C1orf87: variants seen among roughly 807,000 people sequenced by gnomAD.
C1orf87 encodes the protein uncharacterized protein C1orf87.
C1orf87 carries 58 observed loss-of-function variants against 60.5 expected under a neutral mutation model. That is an observed-to-expected ratio of 0.96 (90% CI 0.78 to 1.19). The LOEUF is 1.19. Ranked by LOEUF, C1orf87 falls within the 50% of genes most tolerant of loss-of-function variation. The pLI, the probability that C1orf87 is intolerant of heterozygous loss-of-function variation, is 0.00. For synonymous variants in C1orf87, 236 were observed against 227.4 expected (o/e 1.04, Z -0.34); for missense variants, 673 against 638.6 (o/e 1.05, Z -0.58).
intron 7 of C1orf87, among the ~76,000 whole-genome samples, chr1:60,029,545 C>A (rs1055858890): frequency 6.6e-6 from 1 of 151,884 alleles, no homozygotes; most frequent in African/African-American, 2.4e-5. Flanking sequence ...AGGACTTACC[C>A]TTTCCTGAAT....
intron 8 of C1orf87, among the ~76,000 whole-genome samples, chr1:60,017,599 C>T (rs1645132798): frequency 6.6e-6 from 1 of 152,158 alleles, no homozygotes; most frequent in Non-Finnish European, 1.5e-5. Flanking sequence ...AGTTTGCCTC[C>T]TGTTCTCTCT....
intron 3 of C1orf87, among the ~76,000 whole-genome samples, chr1:60,046,931 C>T (rs1180966397): frequency 6.6e-6 from 1 of 152,170 alleles, no homozygotes; most frequent in African/African-American, 2.4e-5. Context: ...AAGTCTTATT[C>T]ATGTTCAAGA....
In C1orf87 at chr1:60,043,031, G is replaced by A. The variant is rs535243047; in HGVS notation, c.343-1900C>T. ...TAGGCTAACAAGTGGAGAGGGAGGA[G>A]GAGAGGACAAGAGGATTACAGGAAG... On this transcript the variant is annotated intron_variant, in intron 3 of 11. Transcript: ENST00000371201. 3.3e-5 allele frequency among the ~76,000 whole-genome samples: 5 copies of A among 152,298 alleles called. No individual in the cohort carries two copies. In the South Asian group the frequency reaches 8.3e-4, roughly 25 times the overall value.
At chr1:60,040,298 T>C (rs1645312976) in intron 4 of C1orf87, 118 bp from the exon 5 acceptor site, 3 of 1,297,330 alleles carry the variant, frequency 2.3e-6, no homozygotes, top group Non-Finnish European at 2.1e-6. Context: ...AGTCCTGGCC[T>C]GGAGCAGGAC....
chr1:60,048,524 C>A (rs1057274291), intron 3 of C1orf87, among the ~76,000 whole-genome samples: 14 of 152,014 alleles, frequency 9.2e-5, no homozygotes, highest in Non-Finnish European at 2.1e-4. Flanking sequence ...GATAAGAAAA[C>A]CAGATTTATT....
At chr1:60,045,700 A>G (rs1319971889) in intron 3 of C1orf87, among the ~76,000 whole-genome samples, 3 of 152,192 alleles carry the variant, frequency 2.0e-5, no homozygotes, top group Non-Finnish European at 4.4e-5. Context: ...TCTTTGGGCC[A>G]GAAGCCTCAG....
rs1267101348 is a variant in C1orf87 at position 60,040,199 on chromosome 1, A to T, written c.484-19T>A. ...CAATATCCTAACACAACAATGAAAAACAAAGAGCAAGACTCTTCAATCAGC... is the reference window on the plus strand; with the variant it reads ...CAATATCCTAACACAACAATGAAAATCAAAGAGCAAGACTCTTCAATCAGC... On this transcript the variant is annotated intron_variant, in intron 4 of 11. Transcript: ENST00000371201. 1 of 1,602,462 alleles carries T rather than the reference A, an allele frequency of 6.2e-7. No homozygotes were observed. The highest frequency in any genetic ancestry group is 1.7e-5 in the Admixed American group (1 of 57,740).
chr1:60,035,391 T>C (rs1340133899), intron 6 of C1orf87, among the ~76,000 whole-genome samples: 1 of 152,208 alleles, frequency 6.6e-6, no homozygotes, highest in Non-Finnish European at 1.5e-5. Context: ...AGAAGGCCTG[T>C]TGCAGAATTT....
chr1:60,055,960 T>C (rs1433668019), intron 2 of C1orf87, among the ~76,000 whole-genome samples: 3 of 152,152 alleles, frequency 2.0e-5, no homozygotes, highest in East Asian at 3.8e-4. Flanking sequence ...GGTTCAACTT[T>C]GTTTAACAAC....
At chr1:60,021,088 G>A (rs1381527794) in intron 8 of C1orf87, among the ~76,000 whole-genome samples, 2 of 152,094 alleles carry the variant, frequency 1.3e-5, no homozygotes, top group Non-Finnish European at 2.9e-5. Context: ...AGATGTGTTT[G>A]CTTCCCCTTT....
In C1orf87 at chr1:60,033,534, A is replaced by G; in HGVS notation, c.971T>C (p.Leu324Pro). The G allele has an allele frequency of 6.2e-7, 1 of 1,613,898 alleles. No homozygotes were observed. Among genetic ancestry groups the G allele is most frequent in the South Asian group, 1.1e-5 (1 of 90,986 alleles). Residue 324 changes from leucine (L) to proline (P), a missense_variant, in exon 7 of 12, where the codon CTC (leucine) becomes CCC (proline). Coordinates refer to ENST00000371201, the MANE Select transcript of C1orf87 (RefSeq NM_152377.3). The stretch of plus-strand genomic sequence containing the variant: ...ATCTTCTTTTCGAAAACTCAGATTG[A>G]GATTGTCTATGTTGAGTCTGCCATT... Reference protein sequence around the residue: ...TTNGRLNIDNLNLSFRKEDRS... With the variant: ...TTNGRLNIDNPNLSFRKEDRS...
intron 3 of C1orf87, among the ~76,000 whole-genome samples, chr1:60,044,726 G>T (rs917455320): frequency 6.6e-6 from 1 of 152,130 alleles, no homozygotes; most frequent in Non-Finnish European, 1.5e-5. Context: ...TGTCAAAAAA[G>T]ATAAAATGAG....
intron 10 of C1orf87, among the ~76,000 whole-genome samples, chr1:59,998,232 G>A (rs751349120): frequency 4.6e-5 from 7 of 152,040 alleles, no homozygotes; most frequent in Non-Finnish European, 8.8e-5. Context: ...AAAGATGATC[G>A]AAACAATAAT....
chr1:60,005,895 T>C (rs780752442), intron 9 of C1orf87, among the ~76,000 whole-genome samples: 5 of 150,826 alleles, frequency 3.3e-5, no homozygotes, highest in Non-Finnish European at 7.4e-5. Flanking sequence ...TGACTACTCC[T>C]ACCCCATCCC....
chr1:60,006,604 CTCT>C (rs67971413), intron 9 of C1orf87, among the ~76,000 whole-genome samples: 26,000 of 151,824 alleles, frequency 0.17, 2,344 homozygotes, highest in African/African-American at 0.21. Context: ...TTTCTGCATC[CTCT>C]TCTTCTTCTC....
intron 6 of C1orf87, among the ~76,000 whole-genome samples, chr1:60,036,113 A>T (rs1016298003): frequency 6.6e-6 from 1 of 152,212 alleles, no homozygotes; most frequent in East Asian, 1.9e-4. Context: ...TCAGTAAGAC[A>T]GTTGCTCCCA....
In C1orf87 at chr1:60,055,410, T is replaced by C. The variant is rs1286360913; in HGVS notation, c.136A>G (p.Thr46Ala). ...ATTGGTTTCTGGTGCATTGTTTGGG[T>C]TTCTGTTTTCAAGCTGTCATTCTCC... The part of the protein sequence containing the change: ...IKENDSLKTE[T>A]QTMHQKPMTD... Residue 46 changes from threonine to alanine, a missense_variant, in exon 3 of 12, where the codon ACC becomes GCC. Physicochemically the swap from Thr to Ala is moderately conservative, Grantham distance 58. Transcript: ENST00000371201. 1.9e-6 allele frequency: 3 copies of C among 1,613,990 alleles called. No homozygotes were observed. Among genetic ancestry groups the C allele is most frequent in the Non-Finnish European group, 2.5e-6 (3 of 1,180,008 alleles).
chr1:60,051,627 A>G (rs181999036), intron 3 of C1orf87, among the ~76,000 whole-genome samples: 2 of 152,298 alleles, frequency 1.3e-5, no homozygotes, highest in East Asian at 3.9e-4. Flanking sequence ...GTTATAAACC[A>G]CTGAGTTGTG....
At chr1:60,069,162 G>A (rs1051912090) in intron 2 of C1orf87, among the ~76,000 whole-genome samples, 7 of 152,124 alleles carry the variant, frequency 4.6e-5, no homozygotes, top group Non-Finnish European at 8.8e-5. Flanking sequence ...CCCAGGTGGG[G>A]CAGGCAAATG....
Sources: gnomAD v4.1 joint callset for allele counts (sites outside exome capture counted in the v4.1 genomes callset) on GRCh38, gnomAD v4.1.1 for gene constraint, MANE v1.5 for transcripts, NCBI Gene and HGNC (gene_info 2026-07-23, HGNC 2026-07-21) for gene names.